SNX29: variants seen among roughly 807,000 people sequenced by gnomAD.
The protein encoded by SNX29 is sorting nexin-29.
In SNX29, 78 loss-of-function variants were observed where a neutral mutation model predicts 102.1. The ratio of observed to expected loss-of-function variants is 0.76; its 90% confidence interval spans 0.64 to 0.92. The LOEUF (loss-of-function observed/expected upper bound fraction) is 0.92. Ranked by LOEUF, SNX29 falls within the 40% of genes least tolerant of loss-of-function variation. The pLI is 0.00. For synonymous variants in SNX29, 580 were observed against 414.5 expected (o/e 1.40, Z -4.85); for missense variants, 1,280 against 1,061.7 (o/e 1.21, Z -2.86).
At chr16:12,188,863 C>T (rs748278403) in intron 13 of SNX29, among the ~76,000 whole-genome samples, 2 of 152,176 alleles carry the variant, frequency 1.3e-5, no homozygotes, top group African/African-American at 2.4e-5. Context: ...GCAGCCCTTG[C>T]CCTGTCTTAT....
chr16:11,977,625 A>G (rs568982221), intron 1 of SNX29: 7 of 152,486 alleles, frequency 4.6e-5, no homozygotes, highest in Admixed American at 3.3e-4. Flanking sequence ...TCCCAGTCCA[A>G]ACTTCTTCCT....
At chr16:12,283,242 G>A (rs1336207836) in intron 15 of SNX29, among the ~76,000 whole-genome samples, 2 of 151,978 alleles carry the variant, frequency 1.3e-5, no homozygotes, top group African/African-American at 2.4e-5. Flanking sequence ...TGTAGGAGAT[G>A]AGCCAAGGAA....
intron 20 of SNX29, among the ~76,000 whole-genome samples, chr16:12,555,660 C>T (rs564708568): frequency 2.6e-5 from 4 of 152,072 alleles, no homozygotes; most frequent in Non-Finnish European, 2.9e-5. Flanking sequence ...GACCCTGTCA[C>T]TCCTGCACGA....
chr16:11,976,935 C>A (rs2055313569), intron 1 of SNX29, 122 bp downstream of exon 1: 8 of 1,222,130 alleles, frequency 6.5e-6, no homozygotes, highest in South Asian at 2.9e-5. Flanking sequence ...CCCAGTCGCT[C>A]CCTTTTCCAG....
chr16:12,135,811 A>C (rs1236242064), intron 13 of SNX29: 9 of 375,696 alleles, frequency 2.4e-5, no homozygotes, highest in Non-Finnish European at 4.6e-5. Flanking sequence ...TGGTTATTAG[A>C]GATTGGAGCA....
Position 12,247,719 on chromosome 16 carries a change from G to A in SNX29, c.1679-30214G>A, listed in dbSNP as rs138633104. Among the ~76,000 whole-genome samples the A allele has an allele frequency of 2.2e-4, 33 of 152,256 alleles. No homozygotes were observed. In the East Asian group the frequency reaches 3.7e-3, roughly 17 times the overall value. On this transcript the variant is annotated intron_variant, in intron 14 of 20. Transcript: ENST00000566228. ...GGTTTAAAAAGTCCCACTTCCCAGC[G>A]GCCTCCAGACTAGTTTTTAATTTTT...
intron 20 of SNX29, among the ~76,000 whole-genome samples, chr16:12,552,385 G>C (rs1190282795): frequency 2.0e-5 from 3 of 152,228 alleles, no homozygotes; most frequent in African/African-American, 7.2e-5. Flanking sequence ...AGCAAGCATG[G>C]TACCTGGCGC....
intron 19 of SNX29, among the ~76,000 whole-genome samples, chr16:12,487,376 C>G (rs1328749311): frequency 1.3e-5 from 2 of 152,158 alleles, no homozygotes; most frequent in Non-Finnish European, 2.9e-5. Context: ...TGCCGGCTTG[C>G]CAGACACACC....
chr16:12,569,374 C>T lies in SNX29; in HGVS notation c.*745C>T, dbSNP rs191195638. ...TCGCCAGGCTTGGAGTGGGGGGACT[C>T]AGACATCTGGCCCAGCCATCAGCAG... is the stretch of plus-strand genomic sequence containing the variant. On this transcript the variant is annotated 3_prime_UTR_variant, in exon 21 of 21. Coordinates refer to ENST00000566228, the MANE Select transcript of SNX29 (RefSeq NM_032167.5). 4.3e-6 allele frequency: 1 copy of T among 230,518 alleles called. No individual in the cohort carries two copies. The highest frequency in any genetic ancestry group is 2.2e-5 in the African/African-American group (1 of 45,180). 14.3% of individuals were successfully genotyped at this position (230,518 alleles called of 1,614,324 possible).
At chr16:12,565,649 C>T (rs187278132) in intron 20 of SNX29, among the ~76,000 whole-genome samples, 16 of 152,342 alleles carry the variant, frequency 1.1e-4, no homozygotes, top group Non-Finnish European at 7.3e-5. Flanking sequence ...CATATAGCCT[C>T]GTGACAGCTC....
At chr16:12,447,033 G>A (rs1597407343) in intron 18 of SNX29, among the ~76,000 whole-genome samples, 1 of 151,668 alleles carries the variant, frequency 6.6e-6, no homozygotes, top group Non-Finnish European at 1.5e-5. Flanking sequence ...AGGGTGTGGT[G>A]GCACGCATCT....
chr16:12,571,855 C>G lies in SNX29; in HGVS notation c.*3226C>G, dbSNP rs972647049. ...TTAGCAGTATGCTCCAATCACGTTG[C>G]TGGCAAGGCATTTTAGAGTTTGGAG... On this transcript the variant is annotated 3_prime_UTR_variant, in exon 21 of 21. Coordinates refer to ENST00000566228, the MANE Select transcript of SNX29 (RefSeq NM_032167.5). The G allele has an allele frequency of 9.4e-7, 1 of 1,059,882 alleles. No homozygotes were observed. The highest frequency in any genetic ancestry group is 1.1e-6 in the Non-Finnish European group (1 of 875,506). 65.7% of individuals were successfully genotyped at this position (1,059,882 alleles called of 1,614,324 possible).
At chr16:12,332,237 C>T (rs1313092097) in intron 15 of SNX29, among the ~76,000 whole-genome samples, 4 of 152,004 alleles carry the variant, frequency 2.6e-5, no homozygotes, top group East Asian at 1.9e-4. Flanking sequence ...TGTGCACTTG[C>T]GTCCTTGTGT....
At chr16:12,515,380 C>T (rs190186699) in intron 19 of SNX29, 28 of 388,110 alleles carry the variant, frequency 7.2e-5, no homozygotes, top group East Asian at 2.9e-4. Flanking sequence ...AATCAACAAA[C>T]GAATATATGT....
chr16:11,998,196 A>G (rs922930556), intron 1 of SNX29, among the ~76,000 whole-genome samples: 1 of 152,208 alleles, frequency 6.6e-6, no homozygotes, highest in Non-Finnish European at 1.5e-5. Flanking sequence ...CAACGCCTGC[A>G]GTGTGGAGCG....
At chr16:12,212,502 C>G (rs965698498) in intron 14 of SNX29, among the ~76,000 whole-genome samples, 3 of 113,910 alleles carry the variant, frequency 2.6e-5, no homozygotes, top group Non-Finnish European at 6.6e-5. Flanking sequence ...TTGGAGGAAC[C>G]TGTCCAATCC....
chr16:12,555,430 G>A (rs2078271857), intron 20 of SNX29, among the ~76,000 whole-genome samples: 1 of 152,036 alleles, frequency 6.6e-6, no homozygotes, highest in Admixed American at 6.6e-5. Context: ...TGCTTTGTAG[G>A]AGACACTCAT....
In SNX29 at chr16:12,570,251, G is replaced by C; in HGVS notation, c.*1622G>C. On this transcript the variant is annotated 3_prime_UTR_variant, in exon 21 of 21. Transcript: ENST00000566228. ...CTGCCCCGGTGAGACCAAATGAGCT[G>C]GAGCATGTATGGAGGTGCGGACCCT... The C allele has an allele frequency of 1.9e-6, 2 of 1,065,222 alleles. No individual in the cohort carries two copies. The highest frequency in any genetic ancestry group is 9.1e-5 in the South Asian group (2 of 21,952). The allele number at this position is 1,065,222 out of a possible 1,614,324, so 66.0% of individuals were successfully genotyped here.
chr16:12,335,514 A>G (rs1444941019), intron 15 of SNX29, among the ~76,000 whole-genome samples: 1 of 152,106 alleles, frequency 6.6e-6, no homozygotes, highest in African/African-American at 2.4e-5. Flanking sequence ...ATCTCTACAA[A>G]ACATTAAAAA....
Sources: allele counts gnomAD v4.1 joint callset (sites outside exome capture counted in the v4.1 genomes callset), GRCh38; gene constraint gnomAD v4.1.1; transcripts MANE v1.5; gene names NCBI Gene and HGNC (gene_info 2026-07-23, HGNC 2026-07-21).